RPS6KC1: variants seen among roughly 807,000 people sequenced by gnomAD.
RPS6KC1 encodes ribosomal protein S6 kinase C1.
In RPS6KC1, 54 loss-of-function variants were observed where a neutral mutation model predicts 103.8. That is an observed-to-expected ratio of 0.52 (90% CI 0.42 to 0.65). The LOEUF (loss-of-function observed/expected upper bound fraction) is 0.65, where lower values mean the gene tolerates loss of function less well. Ranked by LOEUF, RPS6KC1 falls within the 30% of genes least tolerant of loss-of-function variation. RPS6KC1 has a pLI of 0.00. For synonymous variants in RPS6KC1, 439 were observed against 438.7 expected, an observed-to-expected ratio of 1.00 and a Z score of -0.01; for missense variants, 1,151 against 1,253.8, an observed-to-expected ratio of 0.92 and a Z score of 1.24.
chr1:213,051,987 C>T (rs1022888602), intron 1 of RPS6KC1, among the ~76,000 whole-genome samples: 1 of 152,130 alleles, frequency 6.6e-6, no homozygotes, highest in Non-Finnish European at 1.5e-5. Context: ...AGGCCACCAA[C>T]CTAGGAACTG....
rs2095083625 is a variant in RPS6KC1 at position 213,273,272 on chromosome 1, ACACT to A, written c.*644_*647del. On this transcript the variant is annotated 3_prime_UTR_variant, in exon 15 of 15. Transcript: ENST00000366960. Reference sequence around the variant, plus strand: ...CTTATTTAGAGAAGGGTTCATATAAACACTCACTCTGTGTCTTCAACAGCATCTT... The same window carrying A: ...CTTATTTAGAGAAGGGTTCATATAAACACTCTGTGTCTTCAACAGCATCTT... 6.6e-6 allele frequency: 1 copy of A among 152,578 alleles called. No individual in the cohort carries two copies. The highest frequency in any genetic ancestry group is 2.1e-4 in the South Asian group (1 of 4,826). The allele number at this position is 152,578 out of a possible 1,614,324, so 9.5% of individuals were successfully genotyped here. A position where few individuals can be genotyped will look rare whatever the true frequency, so the allele number is the denominator to read the frequency against.
intron 13 of RPS6KC1, among the ~76,000 whole-genome samples, chr1:213,262,266 TACTG>T: frequency 6.6e-6 from 1 of 152,200 alleles, no homozygotes; most frequent in East Asian, 1.9e-4. Flanking sequence ...GTGTAGATAA[TACTG>T]ACCTAAGATT....
At chr1:213,187,713 G>T (rs962550338) in intron 8 of RPS6KC1, among the ~76,000 whole-genome samples, 15 of 151,778 alleles carry the variant, frequency 9.9e-5, no homozygotes, top group Non-Finnish European at 1.8e-4. Context: ...GTCCTTTTGG[G>T]GAGGTCATGG....
chr1:213,436,887 G>A, the RPS6KC1 span, among the ~76,000 whole-genome samples: 1 of 151,958 alleles, frequency 6.6e-6, no homozygotes, highest in African/African-American at 2.4e-5. Context: ...ACTCACTTAT[G>A]TATTTTATCT....
At chr1:213,857,701 TAG>T in the RPS6KC1 span, among the ~76,000 whole-genome samples, 1 of 152,212 alleles carries the variant, frequency 6.6e-6, no homozygotes, top group Non-Finnish European at 1.5e-5. Context: ...TTTTCTATGA[TAG>T]ATGTCCCACT....
chr1:213,150,745 C>T (rs1289303506), intron 6 of RPS6KC1, among the ~76,000 whole-genome samples: 2 of 152,236 alleles, frequency 1.3e-5, no homozygotes, highest in Non-Finnish European at 2.9e-5. Context: ...CATCCGATTT[C>T]TCAATCTTTT....
the RPS6KC1 span, among the ~76,000 whole-genome samples, chr1:213,646,176 C>T: frequency 2.0e-5 from 3 of 152,186 alleles, no homozygotes; most frequent in Non-Finnish European, 1.5e-5. Flanking sequence ...GGGTTATGGA[C>T]ACCTTGGTTA....
chr1:213,611,389 G>A, the RPS6KC1 span, among the ~76,000 whole-genome samples: 1 of 152,100 alleles, frequency 6.6e-6, no homozygotes, highest in African/African-American at 2.4e-5. Flanking sequence ...GGCTCCACAT[G>A]TGTGTTTGTT....
intron 8 of RPS6KC1, among the ~76,000 whole-genome samples, chr1:213,214,236 G>A (rs1286284853): frequency 2.0e-5 from 3 of 152,260 alleles, no homozygotes; most frequent in African/African-American, 7.2e-5. Context: ...TATATCCCGC[G>A]CCTGGCTTGA....
the RPS6KC1 span, among the ~76,000 whole-genome samples, chr1:213,416,736 A>G: frequency 6.6e-6 from 1 of 152,216 alleles, no homozygotes. Context: ...GCCTGAGAGC[A>G]GAAGGATGGT....
intron 7 of RPS6KC1, among the ~76,000 whole-genome samples, chr1:213,168,325 T>G (rs1219562779): frequency 6.6e-6 from 1 of 152,236 alleles, no homozygotes; most frequent in Admixed American, 6.5e-5. Flanking sequence ...TTGATTCATG[T>G]TAAAACTATT....
At chr1:213,171,829 G>C (rs970033003) in intron 7 of RPS6KC1, among the ~76,000 whole-genome samples, 3 of 152,138 alleles carry the variant, frequency 2.0e-5, no homozygotes, top group Non-Finnish European at 4.4e-5. Context: ...CTCAGGAGAC[G>C]GGGTATTAGG....
Position 213,272,702 on chromosome 1 carries a change from C to G in RPS6KC1, c.*68C>G, listed in dbSNP as rs922363172. On this transcript the variant is annotated 3_prime_UTR_variant, in exon 15 of 15. Transcript: ENST00000366960. ...GACAGGCATCTCCAGCACTGAGGCA[C>G]CTCTGACTCACAGTTACTTATGGAG... 2 of 1,139,624 alleles carry G rather than the reference C, an allele frequency of 1.8e-6. No individual in the cohort carries two copies. Among genetic ancestry groups the G allele is most frequent in the South Asian group, 2.5e-5 (2 of 79,158 alleles). The allele number at this position is 1,139,624 out of a possible 1,614,324, so 70.6% of individuals were successfully genotyped here. A position where few individuals can be genotyped will look rare whatever the true frequency, so the allele number is the denominator to read the frequency against.
chr1:213,453,516 T>G, the RPS6KC1 span, among the ~76,000 whole-genome samples: 1 of 151,828 alleles, frequency 6.6e-6, no homozygotes, highest in Non-Finnish European at 1.5e-5. Flanking sequence ...GGAGGGAGGG[T>G]ATTCTAGGCA....
At chr1:213,687,707 T>C in the RPS6KC1 span, among the ~76,000 whole-genome samples, 2 of 152,150 alleles carry the variant, frequency 1.3e-5, no homozygotes, top group African/African-American at 2.4e-5. Flanking sequence ...AAAGCATAAG[T>C]ATATGGAAAA....
the RPS6KC1 span, among the ~76,000 whole-genome samples, chr1:213,300,869 T>C: frequency 6.6e-6 from 1 of 152,320 alleles, no homozygotes; most frequent in Non-Finnish European, 1.5e-5. Context: ...CTCTCTGATC[T>C]AATTATGCAA....
chr1:213,729,722 CT>C, the RPS6KC1 span, among the ~76,000 whole-genome samples: 1 of 151,800 alleles, frequency 6.6e-6, no homozygotes, highest in Non-Finnish European at 1.5e-5. Flanking sequence ...AGGACTTATT[CT>C]TTTTTTATTT....
At chr1:213,480,974 T>C in the RPS6KC1 span, among the ~76,000 whole-genome samples, 1 of 152,184 alleles carries the variant, frequency 6.6e-6, no homozygotes, top group Admixed American at 6.5e-5. Context: ...ATGAGACAGA[T>C]CCTTCTTTGA....
chr1:213,215,621 C>T (rs1468354343), intron 8 of RPS6KC1, among the ~76,000 whole-genome samples: 1 of 152,104 alleles, frequency 6.6e-6, no homozygotes, highest in African/African-American at 2.4e-5. Flanking sequence ...TTAAGGGCAG[C>T]CAGAGAGAAA....
Sources: gnomAD v4.1 joint callset for allele counts (sites outside exome capture counted in the v4.1 genomes callset) on GRCh38, gnomAD v4.1.1 for gene constraint, MANE v1.5 for transcripts, NCBI Gene and HGNC (gene_info 2026-07-23, HGNC 2026-07-21) for gene names.